The following MYRFL variants were observed in gnomAD, a reference collection of about 807,000 sequenced individuals.
MYRFL encodes myelin regulatory factor like, also known as myelin regulatory factor-like protein.
MYRFL carries 88 observed loss-of-function variants against 109.4 expected under a neutral mutation model. The ratio of observed to expected loss-of-function variants is 0.80; its 90% CI spans 0.68 to 0.96. MYRFL has a LOEUF of 0.96. Ranked by LOEUF, MYRFL falls within the 40% of genes least tolerant of loss-of-function variation. The pLI is 0.00. For synonymous variants in MYRFL, 324 were observed against 320.9 expected (o/e 1.01, Z -0.10); for missense variants, 957 against 954.9 (o/e 1.00, Z -0.03).
intron 9 of MYRFL, 119 bp downstream of exon 9, chr12:69,895,600 C>G: frequency 3.0e-6 from 2 of 665,870 alleles, no homozygotes; most frequent in East Asian, 5.5e-5. Flanking sequence ...GGCCTCTAAG[C>G]CACTTTCCTC....
chr12:69,851,848 C>G (rs1281785656), intron 1 of MYRFL, among the ~76,000 whole-genome samples: 1 of 152,018 alleles, frequency 6.6e-6, no homozygotes, highest in Non-Finnish European at 1.5e-5. Context: ...TTTTTGTAGA[C>G]ATGGGGTTTC....
chr12:69,857,545 G>A (rs1353342567), intron 2 of MYRFL, among the ~76,000 whole-genome samples: 2 of 151,424 alleles, frequency 1.3e-5, no homozygotes, highest in South Asian at 2.1e-4. Flanking sequence ...ATTTATTGAG[G>A]GCTTCTTTGA....
chr12:69,830,167 G>C (rs1292541599), intron 1 of MYRFL, among the ~76,000 whole-genome samples: 1 of 151,948 alleles, frequency 6.6e-6, no homozygotes, highest in Non-Finnish European at 1.5e-5. Flanking sequence ...GCAGCAGAAA[G>C]ATTACCTCCT....
intron 19 of MYRFL, among the ~76,000 whole-genome samples, chr12:69,938,347 T>C (rs747184441): frequency 1.3e-5 from 2 of 152,220 alleles, no homozygotes; most frequent in Non-Finnish European, 2.9e-5. Context: ...CTATGAGAGA[T>C]GTACTAATAA....
At chr12:69,859,880 G>A (rs1208959281) in intron 2 of MYRFL, among the ~76,000 whole-genome samples, 3 of 152,138 alleles carry the variant, frequency 2.0e-5, no homozygotes, top group African/African-American at 7.2e-5. Flanking sequence ...CAGGCATCTA[G>A]GAAGTCTATT....
chr12:69,925,153 A>C (rs1955035924), intron 13 of MYRFL, among the ~76,000 whole-genome samples: 1 of 152,152 alleles, frequency 6.6e-6, no homozygotes, highest in Non-Finnish European at 1.5e-5. Context: ...GATACTGGGT[A>C]TGATGGGATT....
At chr12:69,905,729 AT>A (rs1308647995) in intron 11 of MYRFL, among the ~76,000 whole-genome samples, 1 of 152,224 alleles carries the variant, frequency 6.6e-6, no homozygotes, top group African/African-American at 2.4e-5. Context: ...ATTACATGTA[AT>A]TTATTTATTA....
chr12:69,876,885 G>C (rs747889699), intron 2 of MYRFL, among the ~76,000 whole-genome samples: 12 of 152,060 alleles, frequency 7.9e-5, no homozygotes, highest in Non-Finnish European at 1.8e-4. Flanking sequence ...ACTGTGCCTG[G>C]TAACCCTGTA....
intron 6 of MYRFL, among the ~76,000 whole-genome samples, chr12:69,888,745 A>G (rs142506724): frequency 9.2e-5 from 14 of 152,316 alleles, no homozygotes; most frequent in African/African-American, 2.9e-4. Context: ...ATCACCAAAA[A>G]TGTTTTATTC....
At chr12:69,892,443 C>G (rs190391124) in intron 7 of MYRFL, among the ~76,000 whole-genome samples, 47 of 152,302 alleles carry the variant, frequency 3.1e-4, no homozygotes, top group African/African-American at 1.0e-3. Flanking sequence ...CAGGGTTTCG[C>G]TCTGTCGCCT....
intron 7 of MYRFL, among the ~76,000 whole-genome samples, chr12:69,891,622 TC>T (rs1566002159): frequency 2.0e-4 from 17 of 84,690 alleles, no homozygotes; most frequent in African/African-American, 6.4e-4. Context: ...TTTCTTTCTT[TC>T]CTCCTTCCTT....
chr12:69,945,986 CAAAAAA>C (rs56988555), intron 19 of MYRFL, among the ~76,000 whole-genome samples: 7 of 42,328 alleles, frequency 1.7e-4, no homozygotes, highest in South Asian at 1.4e-3. Context: ...GACTCCGTCT[CAAAAAA>C]AAAAAAAAAA....
rs1366087395 is a variant in MYRFL at position 69,952,097 on chromosome 12, C to G, written c.2225-16C>G. 6.5e-7 allele frequency: 1 copy of G among 1,535,822 alleles called. No homozygotes were observed. Among genetic ancestry groups the G allele is most frequent in the Non-Finnish European group, 8.7e-7 (1 of 1,146,618 alleles). On this transcript the variant is annotated splice_polypyrimidine_tract_variant and intron_variant, in intron 19 of 24. Transcript: ENST00000552032. The stretch of plus-strand genomic sequence containing the variant: ...TGAACAAGCCTTCAAGATTGACAGA[C>G]TTGTTTCCTTTTCAGAAGACAAAAG...
At chr12:69,852,460 A>G (rs1921075) in intron 1 of MYRFL, among the ~76,000 whole-genome samples, 48,763 of 150,804 alleles carry the variant, frequency 0.32, 8,134 homozygotes, top group Admixed American at 0.38. Context: ...TACAGCAATT[A>G]GTTTTCATAT....
intron 1 of MYRFL, among the ~76,000 whole-genome samples, chr12:69,852,740 C>T (rs541650277): frequency 9.4e-4 from 143 of 151,980 alleles, no homozygotes; most frequent in Middle Eastern, 3.4e-3. Flanking sequence ...TGCCGCCTTC[C>T]GCAGTGTTTG....
At chr12:69,891,583 T>TTCTTTC in intron 7 of MYRFL, among the ~76,000 whole-genome samples, 1 of 138,508 alleles carries the variant, frequency 7.2e-6, no homozygotes, top group East Asian at 2.0e-4. Context: ...CTTTCTTTCT[T>TTCTTTC]TCTTTCTTTC....
chr12:69,957,387 T>C (rs945082319), intron 22 of MYRFL, among the ~76,000 whole-genome samples: 13 of 152,244 alleles, frequency 8.5e-5, no homozygotes, highest in African/African-American at 2.6e-4. Context: ...AAAATACATA[T>C]GGAGATAAGT....
intron 15 of MYRFL, among the ~76,000 whole-genome samples, chr12:69,931,522 T>G (rs2120464921): frequency 6.6e-6 from 1 of 152,318 alleles, no homozygotes; most frequent in African/African-American, 2.4e-5. Context: ...ACTAGCCCAA[T>G]AAATTAAGCC....
rs149575300 is a variant in MYRFL, at chr12:69,900,726, A to T, written c.1183-2918A>T. On this transcript the variant is annotated intron_variant, in intron 10 of 24. Coordinates refer to ENST00000552032, the MANE Select transcript of MYRFL (RefSeq NM_182530.3). ...CTTTCGAATCCCAAACGATGGTAAA[A>T]CAAATTCCAGCTTTTCACTTCTAAC... 9.8e-5 allele frequency among the ~76,000 whole-genome samples: 15 copies of T among 152,304 alleles called. No individual in the cohort carries two copies. The East Asian group carries it at 2.9e-3, about 29-fold the overall frequency.
Sources: allele counts gnomAD v4.1 joint callset (sites outside exome capture counted in the v4.1 genomes callset), GRCh38; gene constraint gnomAD v4.1.1; transcripts MANE v1.5; gene names NCBI Gene and HGNC (gene_info 2026-07-23, HGNC 2026-07-21).